GRAMD4: variants seen among roughly 807,000 people sequenced by gnomAD.
GRAMD4 encodes GRAM domain-containing protein 4.
GRAMD4 carries 25 observed loss-of-function variants against 83.9 expected under a neutral mutation model. The ratio of observed to expected loss-of-function variants is 0.30; its 90% CI spans 0.22 to 0.42. The LOEUF (loss-of-function observed/expected upper bound fraction) is 0.42, where lower values mean the gene tolerates loss of function less well. Ranked by LOEUF, GRAMD4 falls within the 10% of genes least tolerant of loss-of-function variation. The probability of loss-of-function intolerance (pLI) is 1.00; values close to 1 mark genes in which losing one functional copy is unlikely to be tolerated. For synonymous variants in GRAMD4, 336 were observed against 320.9 expected, an observed-to-expected ratio of 1.05 and a Z score of -0.50; for missense variants, 593 against 788.7, an observed-to-expected ratio of 0.75 and a Z score of 2.97.
intron 1 of GRAMD4, among the ~76,000 whole-genome samples, chr22:46,593,057 G>A (rs1173848677): frequency 6.6e-6 from 1 of 152,114 alleles, no homozygotes; most frequent in Non-Finnish European, 1.5e-5. Context: ...AACATAAAAG[G>A]AATTGGTTTT....
Position 46,677,631 on chromosome 22 carries a change from C to T in GRAMD4, c.*380C>T, listed in dbSNP as rs558110624. On this transcript the variant is annotated 3_prime_UTR_variant, in exon 19 of 19. Transcript: ENST00000406902. The stretch of plus-strand genomic sequence containing the variant: ...AAGAGGTTCTCGCAACCTTGTGTCC[C>T]GCTCTCCAGAGGCCAGAAGCTCGTC... The T allele has an allele frequency of 2.1e-4, 207 of 1,007,602 alleles. No homozygotes were observed. The highest frequency in any genetic ancestry group is 1.8e-3 in the African/African-American group (103 of 58,438). 62.4% of individuals were successfully genotyped at this position (1,007,602 alleles called of 1,614,324 possible). A position where few individuals can be genotyped will look rare whatever the true frequency, so the allele number is the denominator to read the frequency against.
At position 46,603,201 on chromosome 22, in the gene GRAMD4, G is replaced by GTTTT. The variant is rs569545888; in HGVS notation, c.-49-23529_-49-23526dup. 1.9e-3 allele frequency among the ~76,000 whole-genome samples: 167 copies of GTTTT among 89,422 alleles called. 8 individuals are homozygous for GTTTT. Among genetic ancestry groups the GTTTT allele is most frequent in the African/African-American group, 7.0e-3 (149 of 21,282 alleles). 58.7% of individuals were successfully genotyped at this position (89,422 alleles called of 152,430 possible). ...TTTTTAACATAACGTATCTTCTCTT[G>GTTTT]TTTTTTTTTTTTTTTTTTTTTTTTG... On this transcript the variant is annotated intron_variant, in intron 1 of 1. Transcript: ENST00000431155.
chr22:46,662,497 G>A lies in GRAMD4; in HGVS notation c.467-543G>A, dbSNP rs114453127. On this transcript the variant is annotated intron_variant, in intron 5 of 18. Transcript: ENST00000406902. Reference sequence around the variant, plus strand: ...TGTTCGCTTTTGGTAAACATTGCTGGTCATCAGCACGACAACACCGTGCGC... The same window carrying A: ...TGTTCGCTTTTGGTAAACATTGCTGATCATCAGCACGACAACACCGTGCGC... Among the ~76,000 whole-genome samples the A allele has an allele frequency of 4.2e-3, 646 of 152,354 alleles. 4 individuals carry two copies. Among genetic ancestry groups the A allele is most frequent in the African/African-American group, 0.015 (613 of 41,586 alleles).
At chr22:46,583,418 C>G (rs747933994) in intron 1 of GRAMD4, among the ~76,000 whole-genome samples, 4 of 152,182 alleles carry the variant, frequency 2.6e-5, no homozygotes, top group Non-Finnish European at 5.9e-5. Flanking sequence ...TGTTCAGATT[C>G]ATTAGGTTTT....
chr22:46,634,188 C>G (rs1414762160), intron 2 of GRAMD4, among the ~76,000 whole-genome samples: 2 of 152,144 alleles, frequency 1.3e-5, no homozygotes, highest in African/African-American at 4.8e-5. Context: ...CGGTGGGGAG[C>G]GAGGCTGCAG....
At chr22:46,674,828 C>A in intron 16 of GRAMD4, 78 bp downstream of exon 16, 1 of 1,038,268 alleles carries the variant, frequency 9.6e-7, no homozygotes, top group Admixed American at 1.7e-5. Context: ...GATGGCGTGG[C>A]TGGCCCAGTG....
At chr22:46,630,576 C>T (rs958670793) in intron 2 of GRAMD4, among the ~76,000 whole-genome samples, 20 of 152,330 alleles carry the variant, frequency 1.3e-4, no homozygotes, top group African/African-American at 4.6e-4. Context: ...AGACCGGAGC[C>T]CACCTTGCAG....
At chr22:46,608,767 G>C (rs1327249064) in intron 1 of GRAMD4, among the ~76,000 whole-genome samples, 1 of 152,160 alleles carries the variant, frequency 6.6e-6, no homozygotes, top group Non-Finnish European at 1.5e-5. Context: ...CCAGCACTTT[G>C]GGAGGCTGAG....
At chr22:46,604,204 C>G (rs767672990) in intron 1 of GRAMD4, among the ~76,000 whole-genome samples, 37 of 152,178 alleles carry the variant, frequency 2.4e-4, no homozygotes, top group Non-Finnish European at 4.3e-4. Context: ...GGCCTCCCCC[C>G]GTCAGTCCGG....
At chr22:46,607,251 G>A (rs999263553) in intron 1 of GRAMD4, among the ~76,000 whole-genome samples, 1 of 152,070 alleles carries the variant, frequency 6.6e-6, no homozygotes, top group South Asian at 2.1e-4. Flanking sequence ...TGTAAATGAC[G>A]AGTTGATGGG....
intron 1 of GRAMD4, among the ~76,000 whole-genome samples, chr22:46,609,455 C>T: frequency 6.6e-6 from 1 of 152,210 alleles, no homozygotes; most frequent in Non-Finnish European, 1.5e-5. Flanking sequence ...AAGAAGTTGA[C>T]AAAAGGGGAG....
intron 3 of GRAMD4, among the ~76,000 whole-genome samples, chr22:46,654,145 C>T (rs959823061): frequency 1.6e-5 from 2 of 122,426 alleles, no homozygotes; most frequent in South Asian, 3.0e-4. Context: ...GGCTGAGAAT[C>T]GGGTCTGTTG....
chr22:46,588,385 C>G (rs1177454968), intron 1 of GRAMD4, among the ~76,000 whole-genome samples: 1 of 152,206 alleles, frequency 6.6e-6, no homozygotes, highest in African/African-American at 2.4e-5. Context: ...AGGGAGGTGG[C>G]AGGCCTGCTG....
intron 1 of GRAMD4, among the ~76,000 whole-genome samples, chr22:46,585,293 T>A (rs1291752797): frequency 6.6e-6 from 1 of 151,526 alleles, no homozygotes; most frequent in Non-Finnish European, 1.5e-5. Context: ...CAGGTTCAAG[T>A]GATTCTCCTG....
At chr22:46,605,251 G>A (rs1461580821) in intron 1 of GRAMD4, among the ~76,000 whole-genome samples, 1 of 152,226 alleles carries the variant, frequency 6.6e-6, no homozygotes, top group Non-Finnish European at 1.5e-5. Flanking sequence ...ATATTCTCCG[G>A]GTTCACCCAG....
intron 1 of GRAMD4, among the ~76,000 whole-genome samples, chr22:46,595,823 C>G (rs1358218644): frequency 6.6e-6 from 1 of 152,250 alleles, no homozygotes; most frequent in Admixed American, 6.5e-5. Flanking sequence ...CAGGGTGAAA[C>G]ACGACTTGTC....
intron 3 of GRAMD4, among the ~76,000 whole-genome samples, chr22:46,653,980 C>A (rs1224622713): frequency 1.3e-5 from 2 of 152,228 alleles, no homozygotes; most frequent in African/African-American, 4.8e-5. Context: ...TCTGAACCCT[C>A]CCCAGCTGGC....
chr22:46,642,891 CTATCCATCCATCCATCTATT>C (rs1445081857), intron 3 of GRAMD4, among the ~76,000 whole-genome samples: 1 of 152,162 alleles, frequency 6.6e-6, no homozygotes. Flanking sequence ...TCTTATCTAT[CTATCCATCCATCCATCTATT>C]TATCCATCCA....
intron 1 of GRAMD4, among the ~76,000 whole-genome samples, chr22:46,601,641 A>C (rs1022036695): frequency 6.6e-6 from 1 of 151,704 alleles, no homozygotes; most frequent in Admixed American, 6.6e-5. Flanking sequence ...ACTAAAAATA[A>C]AAAAATTAGC....
Sources: gnomAD v4.1 joint callset for allele counts (sites outside exome capture counted in the v4.1 genomes callset) on GRCh38, gnomAD v4.1.1 for gene constraint, MANE v1.5 for transcripts, NCBI Gene and HGNC (gene_info 2026-07-23, HGNC 2026-07-21) for gene names.